The following KCNG1 variants were observed in gnomAD, a reference collection of about 807,000 sequenced individuals.
The protein encoded by KCNG1 is potassium voltage-gated channel modifier subfamily G member 1, also known as voltage-gated potassium channel regulatory subunit KCNG1.
Under a neutral mutation model 32.4 loss-of-function variants are expected in KCNG1, and 17 were observed. The ratio of observed to expected loss-of-function variants is 0.52; its 90% CI spans 0.36 to 0.79. The LOEUF is 0.79. KCNG1 is among the 30% of genes least tolerant of loss of function. KCNG1 has a pLI of 0.00. For missense variants in KCNG1, 441 were observed against 735.2 expected (o/e 0.60, Z 4.63); for synonymous variants, 358 against 339.9 (o/e 1.05, Z -0.59).
rs200120567 is a variant in KCNG1, at chr20:51,009,557, G to A, written c.774+8C>T. The A allele has an allele frequency of 3.1e-6, 5 of 1,591,590 alleles. No homozygotes were observed. The African/African-American group carries it at 5.4e-5, about 17-fold the overall frequency. On this transcript the variant is annotated splice_region_variant and intron_variant, in intron 2 of 2. Coordinates refer to ENST00000371571, the MANE Select transcript of KCNG1 (RefSeq NM_002237.4). ...TGGCGCGTTTCCCCGCGGGGCGTGG[G>A]CTCTTACCTGCTCCTCCTCCTCCCT...
At chr20:51,006,168 C>G (rs966654872) in intron 2 of KCNG1, 2 of 152,204 alleles carry the variant, frequency 1.3e-5, no homozygotes, top group Admixed American at 1.3e-4. Flanking sequence ...TGCCTGCATA[C>G]AGTAGGCACT....
At chr20:51,008,741 G>A (rs1987937649) in intron 2 of KCNG1, among the ~76,000 whole-genome samples, 1 of 152,108 alleles carries the variant, frequency 6.6e-6, no homozygotes, top group Non-Finnish European at 1.5e-5. Context: ...CCTTGTGTGG[G>A]CCAATCACAT....
At position 51,004,318 on chromosome 20, in the gene KCNG1, G is replaced by A; in HGVS notation, c.1263C>T (p.Thr421=). Residue 421 remains threonine, a synonymous_variant, in exon 3 of 3, where the codon ACC becomes ACT. Coordinates refer to ENST00000371571, the MANE Select transcript of KCNG1 (RefSeq NM_002237.4). This position sits in a 1 kb window ranked among gnomAD's most constrained non-coding sequence, Gnocchi z 4.3. ...IPACYWWAVI[T]MTTVGYGDMV... ...TGTCGCCATAGCCCACCGTCGTCAT[G>A]GTGATGACAGCCCACCAGTAGCAGG... is the stretch of plus-strand genomic sequence containing the variant. 1 of 1,613,760 alleles carries A rather than the reference G, an allele frequency of 6.2e-7. No individual in the cohort carries two copies. Among genetic ancestry groups the A allele is most frequent in the Non-Finnish European group, 8.5e-7 (1 of 1,179,692 alleles).
intron 1 of KCNG1, among the ~76,000 whole-genome samples, chr20:51,019,522 T>C (rs6096228): frequency 6.6e-6 from 1 of 151,312 alleles, no homozygotes; most frequent in African/African-American, 2.4e-5. Context: ...AAAATAATAA[T>C]AATAATAATA....
At position 51,009,554 on chromosome 20, in the gene KCNG1, T is replaced by TG. The variant is rs767862288; in HGVS notation, c.774+10dup. 3.2e-6 allele frequency: 5 copies of TG among 1,585,212 alleles called. No homozygotes were observed. Among genetic ancestry groups the TG allele is most frequent in the Non-Finnish European group, 4.3e-6 (5 of 1,167,970 alleles). The stretch of plus-strand genomic sequence containing the variant: ...TGGTGGCGCGTTTCCCCGCGGGGCG[T>TG]GGGCTCTTACCTGCTCCTCCTCCTC... On this transcript the variant is annotated intron_variant, in intron 2 of 2. Coordinates refer to ENST00000371571, the MANE Select transcript of KCNG1 (RefSeq NM_002237.4).
At chr20:51,019,687 G>A (rs1988401401) in intron 1 of KCNG1, among the ~76,000 whole-genome samples, 1 of 152,028 alleles carries the variant, frequency 6.6e-6, no homozygotes, top group East Asian at 1.9e-4. Flanking sequence ...CTCTCAACCT[G>A]TGCCATTCCC....
intron 1 of KCNG1, among the ~76,000 whole-genome samples, chr20:51,014,478 G>A (rs1988205075): frequency 6.6e-6 from 1 of 152,342 alleles, no homozygotes; most frequent in South Asian, 2.1e-4. Flanking sequence ...GTCTGTGGAT[G>A]CTTGGGGAGA....
chr20:51,009,583 C>T lies in KCNG1; in HGVS notation c.756G>A (p.Leu252=), dbSNP rs1365204185. The T allele has an allele frequency of 2.5e-6, 4 of 1,606,566 alleles. No individual in the cohort carries two copies. In the East Asian group the frequency reaches 9.0e-5, roughly 36 times the overall value. ...VNLSVSTLPS[L]REEEEQGHCS... The stretch of plus-strand genomic sequence containing the variant: ...CTCTTACCTGCTCCTCCTCCTCCCT[C>T]AGGCTGGGCAAGGTGCTGACGGAGA... Residue 252 remains leucine (L), a synonymous_variant, in exon 2 of 3, where the codon CTG becomes CTA. Coordinates refer to ENST00000371571, the MANE Select transcript of KCNG1 (RefSeq NM_002237.4).
chr20:51,013,345 C>T (rs1026558187), intron 1 of KCNG1, among the ~76,000 whole-genome samples: 3 of 152,060 alleles, frequency 2.0e-5, no homozygotes, highest in Non-Finnish European at 4.4e-5. Context: ...CCAGCCCTCT[C>T]CCTAGACAAA....
chr20:51,021,103 C>A (rs751600193), intron 1 of KCNG1, among the ~76,000 whole-genome samples: 2 of 152,224 alleles, frequency 1.3e-5, no homozygotes, highest in African/African-American at 4.8e-5. Flanking sequence ...AGGCTGTAGG[C>A]TGCGGGCCTG....
At chr20:51,011,719 G>A (rs1440514057) in intron 1 of KCNG1, among the ~76,000 whole-genome samples, 1 of 152,210 alleles carries the variant, frequency 6.6e-6, no homozygotes, top group East Asian at 1.9e-4. Context: ...AGATTGCTGG[G>A]AGGCCTAAGT....
intron 2 of KCNG1, chr20:51,006,065 G>C (rs1028273586): frequency 6.6e-6 from 1 of 151,982 alleles, no homozygotes; most frequent in Non-Finnish European, 1.5e-5. Flanking sequence ...TGATGGGGGG[G>C]GTGGGTGGTG....
Position 51,009,649 on chromosome 20 carries a change from G to A in KCNG1, c.690C>T (p.Ala230=). The A allele has an allele frequency of 1.2e-6, 2 of 1,607,258 alleles. No individual in the cohort carries two copies. The highest frequency in any genetic ancestry group is 1.7e-6 in the Non-Finnish European group (2 of 1,179,264). ...PHSGLPGKVF[A]CLSVLFVTVT... ...CGGTCACGAAGAGCACCGACAGGCA[G>A]GCGAACACCTTGCCAGGCAGCCCCG... Residue 230 remains alanine, a synonymous_variant, in exon 2 of 3, where the codon GCC becomes GCT. Coordinates refer to ENST00000371571, the MANE Select transcript of KCNG1 (RefSeq NM_002237.4).
Position 51,003,833 on chromosome 20 carries a change from T to A in KCNG1, c.*206A>T, listed in dbSNP as rs1987709006. 5.2e-6 allele frequency: 3 copies of A among 580,944 alleles called. No homozygotes were observed. The highest frequency in any genetic ancestry group is 9.0e-6 in the Non-Finnish European group (3 of 333,656). The allele number at this position is 580,944 out of a possible 1,614,324, so 36.0% of individuals were successfully genotyped here. ...TGATGACCCAGCTTCCTTTCACGGC[T>A]GCAGGCGGAGGGGCAGGGCCCCTCT... On this transcript the variant is annotated 3_prime_UTR_variant, in exon 3 of 3. Transcript: ENST00000371571.
intron 2 of KCNG1, among the ~76,000 whole-genome samples, chr20:51,008,956 C>T (rs1056645714): frequency 2.0e-5 from 3 of 152,160 alleles, no homozygotes; most frequent in South Asian, 2.1e-4. Context: ...CTCCGGCTCC[C>T]GTGAACTCCC....
At chr20:51,022,379 G>A (rs910798275) in intron 1 of KCNG1, among the ~76,000 whole-genome samples, 6 of 152,170 alleles carry the variant, frequency 3.9e-5, no homozygotes, top group African/African-American at 1.4e-4. Context: ...CACACAGTAG[G>A]CGCTCAATAA....
rs149878314 is a variant in KCNG1 at position 51,013,069 on chromosome 20, C to T, written c.-26-2705G>A. Among the ~76,000 whole-genome samples the T allele has an allele frequency of 2.2e-3, 328 of 151,746 alleles. 1 individual carries two copies. Among genetic ancestry groups the T allele is most frequent in the African/African-American group, 7.6e-3 (315 of 41,372 alleles). ...CTGTAATCCCAGCACTTTGGGAGGC[C>T]GAGGTGGGTGGATCATGAGGTCAGA... On this transcript the variant is annotated intron_variant, in intron 1 of 2. Transcript: ENST00000371571.
In KCNG1 at chr20:51,004,280, C is replaced by G. The variant is rs372529899; in HGVS notation, c.1301G>C (p.Ser434Thr). 418 of 1,613,038 alleles carry G rather than the reference C, an allele frequency of 2.6e-4. 1 individual carries two copies. The highest frequency in any genetic ancestry group is 3.4e-4 in the Non-Finnish European group (403 of 1,179,232). The part of the protein sequence containing the change: ...TVGYGDMVPR[S>T]TPGQVVALSS... ...CAGGGCCACTACCTGGCCCGGGGTGCTCCTGGGGACCATGTCGCCATAGCC... is the reference window on the plus strand; with the variant it reads ...CAGGGCCACTACCTGGCCCGGGGTGGTCCTGGGGACCATGTCGCCATAGCC... Residue 434 changes from serine (S) to threonine (T), a missense_variant, in exon 3 of 3, where the codon AGC becomes ACC. Transcript: ENST00000371571. The surrounding 1 kb of genome is among the most constrained non-coding windows in gnomAD (Gnocchi z 4.3).
In KCNG1 at chr20:51,009,983, C is replaced by T. The variant is rs1022678362; in HGVS notation, c.356G>A (p.Arg119His). 6.2e-7 allele frequency: 1 copy of T among 1,614,014 alleles called. No individual in the cohort carries two copies. Among genetic ancestry groups the T allele is most frequent in the Non-Finnish European group, 8.5e-7 (1 of 1,179,984 alleles). ...DVTCNEFFFD[R>H]NPGAFGTILT... The stretch of plus-strand genomic sequence containing the variant: ...GATAGTGCCGAAGGCCCCCGGGTTG[C>T]GGTCGAAGAAGAACTCGTTGCAGGT... The change falls in exon 2 of 3, where the codon CGC (arginine) becomes CAC (histidine). Residue 119 changes from arginine (R) to histidine (H), a missense_variant. Arg to His is a conservative substitution (Grantham distance 29, BLOSUM62 0). Coordinates refer to ENST00000371571, the MANE Select transcript of KCNG1 (RefSeq NM_002237.4).
Sources: allele counts gnomAD v4.1 joint callset (sites outside exome capture counted in the v4.1 genomes callset), GRCh38; gene constraint gnomAD v4.1.1; non-coding constraint Gnocchi (gnomAD v3.1); transcripts MANE v1.5; gene names NCBI Gene and HGNC (gene_info 2026-07-23, HGNC 2026-07-21).